The following LRP1B variants were observed in gnomAD, a reference collection of about 807,000 sequenced individuals.
The protein encoded by LRP1B is LDL receptor related protein 1B.
Under a neutral mutation model 556.6 loss-of-function variants are expected in LRP1B, and 217 were observed. The ratio of observed to expected loss-of-function variants is 0.39; its 90% CI spans 0.35 to 0.44. The LOEUF is 0.44. Among genes scored for constraint, LRP1B ranks in the 20% least tolerant of loss-of-function variants. LRP1B has a pLI of 1.00. For missense variants in LRP1B, 5,053 were observed against 5,620.8 expected, an observed-to-expected ratio of 0.90 and a Z score of 3.23; for synonymous variants, 2,047 against 1,865.8, an observed-to-expected ratio of 1.10 and a Z score of -2.50.
chr2:140,594,927 T>C (rs1471246447), intron 43 of LRP1B, among the ~76,000 whole-genome samples: 1 of 151,738 alleles, frequency 6.6e-6, no homozygotes, highest in East Asian at 1.9e-4. Context: ...CCTTCAATCT[T>C]CGTAACTATA....
At chr2:140,695,142 C>T (rs1224731400) in intron 41 of LRP1B, among the ~76,000 whole-genome samples, 1 of 151,598 alleles carries the variant, frequency 6.6e-6, no homozygotes, top group Non-Finnish European at 1.5e-5. Flanking sequence ...TTTGAGCATC[C>T]TAAAGGGGTT....
At chr2:141,027,534 A>G (rs567460468) in intron 11 of LRP1B, among the ~76,000 whole-genome samples, 1 of 152,264 alleles carries the variant, frequency 6.6e-6, no homozygotes. Context: ...GCACTGTTAT[A>G]AGCTACATGA....
intron 11 of LRP1B, among the ~76,000 whole-genome samples, chr2:141,027,556 C>T (rs925789803): frequency 1.3e-5 from 2 of 152,082 alleles, no homozygotes; most frequent in African/African-American, 2.4e-5. Flanking sequence ...AAGGACAAGA[C>T]ATAACTAAAC....
At chr2:141,192,802 A>T (rs961795160) in intron 6 of LRP1B, among the ~76,000 whole-genome samples, 7 of 152,032 alleles carry the variant, frequency 4.6e-5, no homozygotes, top group Non-Finnish European at 1.5e-5. Context: ...AGAAGAAAAA[A>T]AGAATAAAAA....
chr2:141,348,087 T>G (rs549720182), intron 3 of LRP1B, among the ~76,000 whole-genome samples: 1 of 152,198 alleles, frequency 6.6e-6, no homozygotes, highest in Admixed American at 6.5e-5. Flanking sequence ...CATCTTATAG[T>G]GCTCTTCACA....
chr2:141,862,123 T>A (rs1039937488), intron 1 of LRP1B, among the ~76,000 whole-genome samples: 1 of 152,132 alleles, frequency 6.6e-6, no homozygotes, highest in Non-Finnish European at 1.5e-5. Flanking sequence ...TGACTCTAAT[T>A]TAATATGTTA....
chr2:140,523,189 T>C (rs1278335554), intron 49 of LRP1B, among the ~76,000 whole-genome samples: 2 of 152,022 alleles, frequency 1.3e-5, no homozygotes, highest in Non-Finnish European at 2.9e-5. Flanking sequence ...AAAAATCTAA[T>C]TCACAATGGG....
chr2:140,249,758 A>G (rs1681324816), intron 86 of LRP1B, among the ~76,000 whole-genome samples: 1 of 151,842 alleles, frequency 6.6e-6, no homozygotes, highest in Non-Finnish European at 1.5e-5. Context: ...TTACAAAATT[A>G]TAACTTAAGG....
At chr2:140,480,556 T>G (rs1573986163) in intron 59 of LRP1B, among the ~76,000 whole-genome samples, 1 of 152,064 alleles carries the variant, frequency 6.6e-6, no homozygotes, top group Non-Finnish European at 1.5e-5. Flanking sequence ...TTCTCCTGCC[T>G]CAGCCTCCTG....
intron 45 of LRP1B, among the ~76,000 whole-genome samples, chr2:140,539,397 C>T (rs921831899): frequency 3.9e-5 from 6 of 152,088 alleles, no homozygotes; most frequent in African/African-American, 1.4e-4. Context: ...GCACAATGGA[C>T]GTCGTCTGCC....
intron 43 of LRP1B, among the ~76,000 whole-genome samples, chr2:140,542,465 G>A (rs185570715): frequency 8.5e-4 from 129 of 152,196 alleles, no homozygotes; most frequent in African/African-American, 2.9e-3. Context: ...TAAAAGTTTA[G>A]AAGTAAAGAC....
At chr2:141,096,629 G>GGAGAGAGAGAGA (rs756327718) in intron 7 of LRP1B, among the ~76,000 whole-genome samples, 33 of 59,722 alleles carry the variant, frequency 5.5e-4, no homozygotes, top group African/African-American at 1.2e-3. Context: ...GGGGAGAGGG[G>GGAGAGAGAGAGA]GAGAGAGAGA....
rs572889614 is a variant in LRP1B, at chr2:140,466,057, A to G, written c.9626-8406T>C. The stretch of plus-strand genomic sequence containing the variant: ...TATCTTACCAAGAAAGAAACACTCT[A>G]GAATATTATAAAATAGTGCAGGTCG... On this transcript the variant is annotated intron_variant, in intron 60 of 90. Coordinates refer to ENST00000389484, the MANE Select transcript of LRP1B (RefSeq NM_018557.3). 1.3e-4 allele frequency among the ~76,000 whole-genome samples: 19 copies of G among 151,680 alleles called. No homozygotes were observed. The South Asian group carries it at 3.9e-3, about 32-fold the overall frequency.
chr2:141,709,074 G>T (rs1692257325), intron 2 of LRP1B, among the ~76,000 whole-genome samples: 1 of 152,118 alleles, frequency 6.6e-6, no homozygotes, highest in South Asian at 2.1e-4. Flanking sequence ...TTTGGGGACA[G>T]GTGTGGTGGC....
chr2:141,095,683 A>C (rs2104922527), intron 7 of LRP1B, among the ~76,000 whole-genome samples: 1 of 152,232 alleles, frequency 6.6e-6, no homozygotes, highest in South Asian at 2.1e-4. Flanking sequence ...GGTACAATTA[A>C]GAACTCTCTT....
chr2:141,464,606 A>ATATATATATTTTTTTTTTTTTTTTT, intron 3 of LRP1B, among the ~76,000 whole-genome samples: 2 of 90,538 alleles, frequency 2.2e-5, no homozygotes, highest in Admixed American at 1.2e-4. Context: ...ATATATATAT[A>ATATATATATTTTTTTTTTTTTTTTT]TTTTTTTAGT....
chr2:140,597,812 A>G (rs577426310), intron 43 of LRP1B, among the ~76,000 whole-genome samples: 4 of 152,336 alleles, frequency 2.6e-5, no homozygotes, highest in African/African-American at 7.2e-5. Context: ...TAGAGATCAC[A>G]TGGTCCATGA....
At chr2:141,649,153 A>G (rs1294798046) in intron 2 of LRP1B, among the ~76,000 whole-genome samples, 1 of 152,162 alleles carries the variant, frequency 6.6e-6, no homozygotes, top group Admixed American at 6.6e-5. Flanking sequence ...CAGGTCACTG[A>G]TAGCTTTCCA....
At chr2:141,425,342 C>T (rs1229737827) in intron 3 of LRP1B, among the ~76,000 whole-genome samples, 2 of 147,082 alleles carry the variant, frequency 1.4e-5, no homozygotes, top group Admixed American at 1.4e-4. Context: ...GGGTTGGTTC[C>T]AAGTCTTTGC....
Sources: allele counts gnomAD v4.1 joint callset (sites outside exome capture counted in the v4.1 genomes callset), GRCh38; gene constraint gnomAD v4.1.1; transcripts MANE v1.5; gene names NCBI Gene and HGNC (gene_info 2026-07-23, HGNC 2026-07-21).